The following CADM2 variants were observed in gnomAD, a reference collection of about 807,000 sequenced individuals.
The protein encoded by CADM2 is cell adhesion molecule 2.
Under a neutral mutation model 49.8 loss-of-function variants are expected in CADM2, and 12 were observed. The ratio of observed to expected loss-of-function variants is 0.24; its 90% confidence interval spans 0.15 to 0.39. The LOEUF (loss-of-function observed/expected upper bound fraction) is 0.39, where lower values mean the gene tolerates loss of function less well. Among genes scored for constraint, CADM2 ranks in the 10% least tolerant of loss-of-function variants. CADM2 has a pLI of 1.00. For synonymous variants in CADM2, 214 were observed against 175.4 expected (o/e 1.22, Z -1.74); for missense variants, 378 against 492.3 (o/e 0.77, Z 2.20).
intron 8 of CADM2, chr3:86,014,792 G>T: frequency 1.4e-6 from 2 of 1,476,188 alleles, no homozygotes; most frequent in Non-Finnish European, 1.8e-6. Context: ...AGAAACACAG[G>T]AGGAAAGATA....
chr3:85,242,301 G>T (rs2042549159), intron 1 of CADM2, among the ~76,000 whole-genome samples: 1 of 150,442 alleles, frequency 6.6e-6, no homozygotes, highest in Non-Finnish European at 1.5e-5. Context: ...TTTTAATGTA[G>T]AGGAAAACAT....
At position 85,603,702 on chromosome 3, in the gene CADM2, C is replaced by T. The variant is rs78842207; in HGVS notation, c.62-122820C>T. On this transcript the variant is annotated intron_variant, in intron 1 of 9. Coordinates refer to ENST00000383699, the MANE Select transcript of CADM2 (RefSeq NM_001167675.2). The stretch of plus-strand genomic sequence containing the variant: ...ACTTGGTAGAGATCTGGTGTCATTT[C>T]ACCTTGAGAAGTTGAATTTCAAGCC... 1.5e-3 allele frequency among the ~76,000 whole-genome samples: 227 copies of T among 151,862 alleles called. 2 individuals carry two copies. The East Asian group carries it at 0.04, about 27-fold the overall frequency.
intron 3 of CADM2, among the ~76,000 whole-genome samples, chr3:85,824,557 G>C (rs1363976930): frequency 6.6e-6 from 1 of 152,138 alleles, no homozygotes; most frequent in African/African-American, 2.4e-5. Flanking sequence ...TTGTGAGACA[G>C]AGAACCAAGT....
chr3:85,199,556 C>T (rs1485452354), intron 1 of CADM2, among the ~76,000 whole-genome samples: 1 of 151,594 alleles, frequency 6.6e-6, no homozygotes, highest in African/African-American at 2.4e-5. Context: ...CACCTCACAG[C>T]CTAGCATTGT....
At chr3:86,009,447 A>T (rs180786388) in intron 8 of CADM2, among the ~76,000 whole-genome samples, 1 of 151,570 alleles carries the variant, frequency 6.6e-6, no homozygotes, top group Non-Finnish European at 1.5e-5. Flanking sequence ...TAGGAAGAAG[A>T]TCACTTATTT....
intron 1 of CADM2, among the ~76,000 whole-genome samples, chr3:85,521,915 C>G (rs908903044): frequency 1.5e-4 from 23 of 152,076 alleles, no homozygotes; most frequent in African/African-American, 5.3e-4. Flanking sequence ...ATTCTGCCCT[C>G]TCCCTCAGAA....
At chr3:85,396,559 A>G (rs542624447) in intron 1 of CADM2, among the ~76,000 whole-genome samples, 1 of 152,158 alleles carries the variant, frequency 6.6e-6, no homozygotes, top group South Asian at 2.1e-4. Flanking sequence ...ATTATACGCT[A>G]TGCAGTCTGT....
At chr3:85,500,831 T>G (rs1286043110) in intron 1 of CADM2, among the ~76,000 whole-genome samples, 3 of 152,090 alleles carry the variant, frequency 2.0e-5, no homozygotes, top group African/African-American at 7.2e-5. Context: ...ACTTTTTACT[T>G]GATGTGAACA....
chr3:85,964,513 C>A (rs1045705644), intron 8 of CADM2, among the ~76,000 whole-genome samples: 1 of 151,724 alleles, frequency 6.6e-6, no homozygotes. Flanking sequence ...TTAAATGCTA[C>A]CACATTTAAT....
intron 1 of CADM2, among the ~76,000 whole-genome samples, chr3:85,246,589 TA>T (rs1444577437): frequency 6.6e-6 from 1 of 152,166 alleles, no homozygotes; most frequent in Admixed American, 6.6e-5. Flanking sequence ...GATTCCAGGA[TA>T]ATTGTAAAAT....
intron 1 of CADM2, among the ~76,000 whole-genome samples, chr3:85,541,104 A>G (rs946121815): frequency 1.3e-5 from 2 of 151,078 alleles, no homozygotes; most frequent in Non-Finnish European, 1.5e-5. Flanking sequence ...TTATAATAAA[A>G]TATAATCTAA....
At chr3:85,014,743 T>A (rs1640082125) in intron 1 of CADM2, among the ~76,000 whole-genome samples, 2 of 152,200 alleles carry the variant, frequency 1.3e-5, no homozygotes, top group Admixed American at 1.3e-4. Flanking sequence ...GGCTTCAGTC[T>A]GTCATAAGCT....
At chr3:85,014,472 A>G (rs900183490) in intron 1 of CADM2, among the ~76,000 whole-genome samples, 1 of 151,642 alleles carries the variant, frequency 6.6e-6, no homozygotes, top group Non-Finnish European at 1.5e-5. Flanking sequence ...TAGTGTGCAT[A>G]GGAAAATACA....
At chr3:85,971,213 C>T (rs1271708429) in intron 8 of CADM2, among the ~76,000 whole-genome samples, 4 of 151,544 alleles carry the variant, frequency 2.6e-5, no homozygotes, top group African/African-American at 9.7e-5. Context: ...TGAACCAACG[C>T]CCTTATGGAC....
chr3:85,893,570 T>G (rs1714778196), intron 5 of CADM2, among the ~76,000 whole-genome samples: 1 of 152,054 alleles, frequency 6.6e-6, no homozygotes, highest in South Asian at 2.1e-4. Flanking sequence ...ACCCACAGAA[T>G]GGAAGAAAAT....
At position 85,814,761 on chromosome 3, in the gene CADM2, A is replaced by G. The variant is rs114000672; in HGVS notation, c.238+12565A>G. Among the ~76,000 whole-genome samples the G allele has an allele frequency of 2.5e-3, 383 of 152,166 alleles. 1 individual carries two copies. The highest frequency in any genetic ancestry group is 8.8e-3 in the African/African-American group (367 of 41,558). Reference sequence around the variant, plus strand: ...AGAAATGGTAGTTCTATAGAATTCTATAGTATATTCTATTCTATAGTATTC... The same window carrying G: ...AGAAATGGTAGTTCTATAGAATTCTGTAGTATATTCTATTCTATAGTATTC... On this transcript the variant is annotated intron_variant, in intron 3 of 9. Coordinates refer to ENST00000383699, the MANE Select transcript of CADM2 (RefSeq NM_001167675.2).
chr3:85,934,617 G>A (rs986932622), intron 6 of CADM2, among the ~76,000 whole-genome samples: 1 of 151,944 alleles, frequency 6.6e-6, no homozygotes, highest in Non-Finnish European at 1.5e-5. Context: ...CATTTGAAAA[G>A]CATACATAAT....
chr3:85,229,570 C>G (rs72915065), intron 1 of CADM2, among the ~76,000 whole-genome samples: 10,087 of 152,146 alleles, frequency 0.066, 1,105 homozygotes, highest in African/African-American at 0.23. Context: ...CAGAGCTGAT[C>G]CTATTTGGCC....
chr3:85,837,876 G>A (rs1428399791), intron 3 of CADM2, among the ~76,000 whole-genome samples: 1 of 151,616 alleles, frequency 6.6e-6, no homozygotes, highest in Non-Finnish European at 1.5e-5. Flanking sequence ...CTGAGATATT[G>A]TGATAAAAGT....
Sources: allele counts gnomAD v4.1 joint callset (sites outside exome capture counted in the v4.1 genomes callset), GRCh38; gene constraint gnomAD v4.1.1; transcripts MANE v1.5; gene names NCBI Gene and HGNC (gene_info 2026-07-23, HGNC 2026-07-21).